Variants in CHORDC1 observed in about 807,000 individuals in gnomAD.
The protein encoded by CHORDC1 is cysteine and histidine-rich domain-containing protein 1.
Under a neutral mutation model 48.3 loss-of-function variants are expected in CHORDC1, and 25 were observed. The ratio of observed to expected loss-of-function variants is 0.52; its 90% CI spans 0.38 to 0.72. The LOEUF is 0.72. Ranked by LOEUF, CHORDC1 falls within the 30% of genes least tolerant of loss-of-function variation. The pLI is 0.00. For missense variants in CHORDC1, 317 were observed against 388.7 expected, an observed-to-expected ratio of 0.82 and a Z score of 1.55; for synonymous variants, 128 against 126.4, an observed-to-expected ratio of 1.01 and a Z score of -0.09.
chr11:90,211,578 C>T (rs538113250), intron 4 of CHORDC1: 2 of 301,930 alleles, frequency 6.6e-6, no homozygotes, highest in South Asian at 7.2e-5. Flanking sequence ...TAATCAGTTG[C>T]ACTAACGAGA....
At chr11:90,218,323 T>C (rs562787078) in intron 1 of CHORDC1, 139 bp from the exon 2 acceptor site, 7 of 584,630 alleles carry the variant, frequency 1.2e-5, no homozygotes, top group South Asian at 5.4e-5. Context: ...ATGATTGAGT[T>C]TGACGTGCAG....
At chr11:90,215,921 G>A (rs1315934218) in intron 2 of CHORDC1, among the ~76,000 whole-genome samples, 2 of 151,786 alleles carry the variant, frequency 1.3e-5, no homozygotes, top group Non-Finnish European at 2.9e-5. Context: ...ACTAAATTCA[G>A]ATTAAGATGC....
Position 90,210,553 on chromosome 11 carries a change from T to G in CHORDC1, c.475A>C (p.Asn159His). 1 of 1,591,896 alleles carries G rather than the reference T, an allele frequency of 6.3e-7. No homozygotes were observed. The highest frequency in any genetic ancestry group is 1.3e-5 in the African/African-American group (1 of 74,466). Residue 159 changes from asparagine to histidine, a missense_variant, in exon 6 of 11, where the codon AAT (asparagine) becomes CAT (histidine). By Grantham distance (68) the Asn-to-His change is moderately conservative (BLOSUM62 1). Coordinates refer to ENST00000320585, the MANE Select transcript of CHORDC1 (RefSeq NM_012124.3). The part of the protein sequence containing the change: ...DEIKIGTSCK[N>H]GGCSKTYQGL... The stretch of plus-strand genomic sequence containing the variant: ...ATATATACCTTTGAACACCCTCCAT[T>G]CTTACATGAGGTCCCAATCTTAATT...
At chr11:90,213,897 T>A (rs1459959245) in intron 4 of CHORDC1, 121 bp downstream of exon 4, 9 of 835,728 alleles carry the variant, frequency 1.1e-5, no homozygotes, top group Non-Finnish European at 1.7e-5. Flanking sequence ...ACCAAATGGT[T>A]CAAAGCTTGG....
intron 2 of CHORDC1, among the ~76,000 whole-genome samples, chr11:90,216,867 G>T (rs10830444): frequency 0.29 from 43,569 of 151,990 alleles, 7,383 homozygotes; most frequent in East Asian, 0.58. Flanking sequence ...GAAAACCAAT[G>T]AATGAACTGA....
intron 6 of CHORDC1, chr11:90,207,528 G>C (rs116095029): frequency 2.6e-5 from 4 of 151,866 alleles, no homozygotes; most frequent in Non-Finnish European, 4.4e-5. Flanking sequence ...TATCAAAGTC[G>C]TCATTAAGAC....
intron 6 of CHORDC1, chr11:90,207,761 C>CAAAAAAAAAAAAAAAAAAAAAAAAA (rs71055890): frequency 1.1e-4 from 6 of 52,758 alleles, no homozygotes; most frequent in East Asian, 8.2e-4. Context: ...GGTTAAAATA[C>CAAAAAAAAAAAAAAAAAAAAAAAAA]AAAAAAAAAA....
chr11:90,206,053 C>A, intron 7 of CHORDC1, 149 bp downstream of exon 7: 1 of 654,948 alleles, frequency 1.5e-6, no homozygotes, highest in East Asian at 2.8e-5. Flanking sequence ...ATACAAACCC[C>A]TGTGTTTGTG....
At chr11:90,203,270 G>C in intron 9 of CHORDC1, 38 bp downstream of exon 9, 1 of 1,527,844 alleles carries the variant, frequency 6.5e-7, no homozygotes, top group Non-Finnish European at 8.9e-7. Context: ...ATGATGTATA[G>C]AAAAGAACTT....
chr11:90,206,503 A>G (rs758553255), intron 6 of CHORDC1: 10 of 445,130 alleles, frequency 2.2e-5, no homozygotes, highest in African/African-American at 2.0e-4. Flanking sequence ...AGATGCTTTC[A>G]GCCTTTTGAG....
chr11:90,222,101 C>A (rs931455695), intron 1 of CHORDC1, among the ~76,000 whole-genome samples: 1 of 152,234 alleles, frequency 6.6e-6, no homozygotes, highest in African/African-American at 2.4e-5. Context: ...CATCTCACTT[C>A]TTTGTCAATC....
At chr11:90,221,414 G>A (rs772716642) in intron 1 of CHORDC1, among the ~76,000 whole-genome samples, 1 of 152,118 alleles carries the variant, frequency 6.6e-6, no homozygotes, top group African/African-American at 2.4e-5. Flanking sequence ...TAGTACTGCT[G>A]ACCACCCAAG....
chr11:90,215,792 T>G (rs955034674), intron 2 of CHORDC1, among the ~76,000 whole-genome samples: 1 of 152,056 alleles, frequency 6.6e-6, no homozygotes, highest in East Asian at 1.9e-4. Context: ...TTGAACAAAC[T>G]ATCAAGTAGT....
intron 2 of CHORDC1, chr11:90,216,411 C>A: frequency 4.3e-6 from 1 of 234,662 alleles, no homozygotes. Flanking sequence ...GAATATGCCC[C>A]TTCTAATATT....
At chr11:90,210,356 T>G (rs528856447) in intron 6 of CHORDC1, among the ~76,000 whole-genome samples, 180 bp downstream of exon 6, 181 of 140,382 alleles carry the variant, frequency 1.3e-3, no homozygotes, top group African/African-American at 4.2e-3. Flanking sequence ...CTTATTTTCA[T>G]TATTCTACTG....
At chr11:90,216,576 A>G (rs1220133816) in intron 2 of CHORDC1, 7 of 439,330 alleles carry the variant, frequency 1.6e-5, no homozygotes, top group Admixed American at 7.8e-5. Flanking sequence ...GTTATAAAAT[A>G]GAGACCACAA....
chr11:90,222,456 G>C, intron 1 of CHORDC1: 1 of 362,822 alleles, frequency 2.8e-6, no homozygotes, highest in Non-Finnish European at 5.3e-6. Flanking sequence ...GCTCATCCCG[G>C]CCACCTCTCC....
At chr11:90,204,686 G>A (rs996497211) in intron 8 of CHORDC1, among the ~76,000 whole-genome samples, 1 of 152,032 alleles carries the variant, frequency 6.6e-6, no homozygotes, top group Non-Finnish European at 1.5e-5. Context: ...GCACGTCTGG[G>A]CGACAGAGCG....
At chr11:90,218,259 A>T in intron 1 of CHORDC1, 75 bp from the exon 2 acceptor site, 1 of 1,117,104 alleles carries the variant, frequency 9.0e-7, no homozygotes, top group Non-Finnish European at 1.3e-6. Flanking sequence ...TCATCTCCTT[A>T]AGGTGTTAAC....
Sources: allele counts gnomAD v4.1 joint callset (sites outside exome capture counted in the v4.1 genomes callset), GRCh38; gene constraint gnomAD v4.1.1; transcripts MANE v1.5; gene names NCBI Gene and HGNC (gene_info 2026-07-23, HGNC 2026-07-21).